LEPROTL1: variants seen among roughly 807,000 people sequenced by gnomAD.
LEPROTL1 encodes leptin receptor overlapping transcript-like 1.
LEPROTL1 carries 6 observed loss-of-function variants against 15.4 expected under a neutral mutation model. The ratio of observed to expected loss-of-function variants is 0.39; its 90% CI spans 0.21 to 0.77. The LOEUF is 0.77. Among genes scored for constraint, LEPROTL1 ranks in the 30% least tolerant of loss-of-function variants. The pLI is 0.41. For synonymous variants in LEPROTL1, 56 were observed against 52.6 expected, an observed-to-expected ratio of 1.06 and a Z score of -0.28; for missense variants, 128 against 158.1, an observed-to-expected ratio of 0.81 and a Z score of 1.02.
At chr8:30,133,047 AC>A in intron 4 of LEPROTL1, 1 of 634,774 alleles carries the variant, frequency 1.6e-6, no homozygotes, top group East Asian at 3.1e-5. Context: ...AGGACCCCAC[AC>A]AAAATAAATC....
chr8:30,100,860 T>G (rs1802455333), intron 1 of LEPROTL1, among the ~76,000 whole-genome samples: 1 of 152,132 alleles, frequency 6.6e-6, no homozygotes, highest in South Asian at 2.1e-4. Flanking sequence ...TGTGTGTGTG[T>G]GTGTGTGTCT....
At chr8:30,102,521 A>G (rs7835466) in intron 2 of LEPROTL1, among the ~76,000 whole-genome samples, 138,391 of 151,878 alleles carry the variant, frequency 0.91, 63,424 homozygotes, top group East Asian at 1. Context: ...GCGTGGTGAC[A>G]CATGCCTGTA....
At chr8:30,105,614 C>A in intron 3 of LEPROTL1, 132 bp from the exon 4 acceptor site, 1 of 461,864 alleles carries the variant, frequency 2.2e-6, no homozygotes, top group Non-Finnish European at 3.8e-6. Flanking sequence ...ATGTGTTCAG[C>A]ACTGTGACAA....
chr8:30,103,303 A>C (rs897240284), intron 2 of LEPROTL1, among the ~76,000 whole-genome samples: 4 of 152,224 alleles, frequency 2.6e-5, no homozygotes, highest in Admixed American at 2.6e-4. Flanking sequence ...GTTTATGTGG[A>C]AATGTGGAAG....
Position 30,107,518 on chromosome 8 carries a change from T to A in LEPROTL1, c.*1656T>A. ...AAATTTGGGATTTGTTCAGCTTTTT[T>A]ACTAAAGATGCCTAAAGCCACAGGT... On this transcript the variant is annotated 3_prime_UTR_variant, in exon 4 of 4. Transcript: ENST00000321250. 1.0e-6 allele frequency: 1 copy of A among 985,876 alleles called. No individual in the cohort carries two copies. The highest frequency in any genetic ancestry group is 1.2e-6 in the Non-Finnish European group (1 of 829,930). The allele number at this position is 985,876 out of a possible 1,614,324, so 61.1% of individuals were successfully genotyped here. A position where few individuals can be genotyped will look rare whatever the true frequency, so the allele number is the denominator to read the frequency against.
In LEPROTL1 at chr8:30,106,913, C is replaced by T; in HGVS notation, c.*1051C>T. 1.0e-6 allele frequency: 1 copy of T among 984,794 alleles called. No individual in the cohort carries two copies. Among genetic ancestry groups the T allele is most frequent in the Non-Finnish European group, 1.2e-6 (1 of 829,038 alleles). The allele number at this position is 984,794 out of a possible 1,614,324, so 61.0% of individuals were successfully genotyped here. On this transcript the variant is annotated 3_prime_UTR_variant, in exon 4 of 4. Transcript: ENST00000321250. ...AATAACACTTAGAAGTGTTTACTTA[C>T]CTGGAAAATAATTGCTATGCCGTAC...
At chr8:30,137,924 A>C (rs1803182845), downstream of LEPROTL1, 1 of 225,352 alleles carries the variant, frequency 4.4e-6, no homozygotes, top group African/African-American at 2.3e-5. Context: ...TCTAAGGCCT[A>C]ACATCAGTGC....
At chr8:30,112,401 A>ATTTTTTTTTTTTTTTTTTTTTTTTTT (rs10684450), downstream of LEPROTL1, among the ~76,000 whole-genome samples, 8 of 27,890 alleles carry the variant, frequency 2.9e-4, 2 homozygotes, top group East Asian at 1.7e-3. Flanking sequence ...TGCCCAGCTA[A>ATTTTTTTTTTTTTTTTTTTTTTTTTT]TTTTTTTTTT....
At chr8:30,136,001 A>C (rs922382524) in intron 4 of LEPROTL1, among the ~76,000 whole-genome samples, 2 of 151,998 alleles carry the variant, frequency 1.3e-5, no homozygotes, top group African/African-American at 4.8e-5. Flanking sequence ...ACAGTCTTCT[A>C]ACTGCTGCTG....
chr8:30,128,723 G>A (rs1458001875), intron 3 of LEPROTL1, among the ~76,000 whole-genome samples: 1 of 150,804 alleles, frequency 6.6e-6, no homozygotes. Context: ...CTGCACTCCA[G>A]CCTGGGTGAC....
At chr8:30,132,237 A>G in intron 3 of LEPROTL1, 2 of 1,551,840 alleles carry the variant, frequency 1.3e-6, no homozygotes, top group East Asian at 4.9e-5. Flanking sequence ...GATGGAGTCC[A>G]TGCCACCAGG....
At chr8:30,128,466 C>T (rs1432050767) in intron 3 of LEPROTL1, among the ~76,000 whole-genome samples, 7 of 152,116 alleles carry the variant, frequency 4.6e-5, no homozygotes, top group South Asian at 2.1e-4. Context: ...AAAAAAATTA[C>T]GGGGCTGGAC....
At chr8:30,109,514 T>G (rs186464905), downstream of LEPROTL1, among the ~76,000 whole-genome samples, 6 of 152,358 alleles carry the variant, frequency 3.9e-5, no homozygotes, top group African/African-American at 1.4e-4. Flanking sequence ...TTAAAACACT[T>G]TAATTTTTCC....
At chr8:30,109,523 C>G (rs1021080224), downstream of LEPROTL1, among the ~76,000 whole-genome samples, 1 of 152,140 alleles carries the variant, frequency 6.6e-6, no homozygotes, top group Non-Finnish European at 1.5e-5. Context: ...TTTAATTTTT[C>G]CTTGGTAATT....
chr8:30,123,599 G>GTC (rs929079900), intron 3 of LEPROTL1, among the ~76,000 whole-genome samples: 3 of 151,986 alleles, frequency 2.0e-5, no homozygotes, highest in Non-Finnish European at 4.4e-5. Flanking sequence ...GTTTCGCTCC[G>GTC]TCTCTCTCTC....
intron 2 of LEPROTL1, among the ~76,000 whole-genome samples, chr8:30,102,990 A>G (rs180864932): frequency 1.0e-3 from 159 of 152,234 alleles, no homozygotes; most frequent in Non-Finnish European, 1.1e-3. Flanking sequence ...TCTGATACAA[A>G]CCCACTTGCA....
intron 3 of LEPROTL1, 118 bp downstream of exon 3, chr8:30,104,604 A>C (rs1404889238): frequency 1.9e-6 from 1 of 540,092 alleles, no homozygotes; most frequent in Admixed American, 3.7e-5. Context: ...CCTAGAAGAT[A>C]GAGATTAAAA....
intron 2 of LEPROTL1, among the ~76,000 whole-genome samples, chr8:30,103,331 A>G (rs1184786961): frequency 6.6e-6 from 1 of 152,240 alleles, no homozygotes; most frequent in East Asian, 1.9e-4. Context: ...GAGAAGCTCA[A>G]TAGGAAAGTG....
At chr8:30,110,478 C>T (rs113307405), downstream of LEPROTL1, among the ~76,000 whole-genome samples, 6 of 152,194 alleles carry the variant, frequency 3.9e-5, 2 homozygotes, top group African/African-American at 1.4e-4. Context: ...GTAATCCCAG[C>T]ATTTTGGGAG....
Sources: gnomAD v4.1 joint callset for allele counts (sites outside exome capture counted in the v4.1 genomes callset) on GRCh38, gnomAD v4.1.1 for gene constraint, MANE v1.5 for transcripts, NCBI Gene and HGNC (gene_info 2026-07-23, HGNC 2026-07-21) for gene names.